Variants in COL28A1 observed in about 807,000 individuals in gnomAD.
COL28A1 encodes collagen alpha-1(XXVIII) chain.
A neutral mutation model predicts 150.2 loss-of-function variants in COL28A1; 161 were observed. That is an observed-to-expected ratio of 1.07 (90% confidence interval 0.94 to 1.22). COL28A1 has a LOEUF of 1.22. COL28A1 is among the 50% of genes most tolerant of loss of function. The pLI is 0.00. For missense variants in COL28A1, 1,617 were observed against 1,388.3 expected, an observed-to-expected ratio of 1.16 and a Z score of -2.62; for synonymous variants, 552 against 469.7, an observed-to-expected ratio of 1.18 and a Z score of -2.26.
At chr7:7,414,331 T>G (rs1783948768) in intron 27 of COL28A1, among the ~76,000 whole-genome samples, 1 of 152,216 alleles carries the variant, frequency 6.6e-6, no homozygotes, top group African/African-American at 2.4e-5. Flanking sequence ...GCCTGTGACA[T>G]GAACCTGAAA....
At chr7:7,486,550 A>G (rs1371191546) in intron 13 of COL28A1, among the ~76,000 whole-genome samples, 1 of 152,198 alleles carries the variant, frequency 6.6e-6, no homozygotes, top group Non-Finnish European at 1.5e-5. Flanking sequence ...TTTCACTATT[A>G]CGCATAATGT....
chr7:7,501,441 T>C (rs1467841913), intron 11 of COL28A1, among the ~76,000 whole-genome samples: 2 of 152,172 alleles, frequency 1.3e-5, no homozygotes, highest in African/African-American at 4.8e-5. Context: ...CACACGCCAC[T>C]GTGCAGTCCC....
intron 3 of COL28A1, among the ~76,000 whole-genome samples, chr7:7,528,677 C>G (rs1453953506): frequency 1.3e-5 from 2 of 152,150 alleles, no homozygotes; most frequent in African/African-American, 4.8e-5. Flanking sequence ...GTATAAAATT[C>G]TAGAAAGTAT....
intron 8 of COL28A1, among the ~76,000 whole-genome samples, chr7:7,511,368 A>C (rs536964467): frequency 1.3e-5 from 2 of 152,332 alleles, no homozygotes; most frequent in Admixed American, 1.3e-4. Context: ...CAATGTAATA[A>C]GGTTTGACAT....
chr7:7,397,477 A>G (rs1176938251), intron 27 of COL28A1, among the ~76,000 whole-genome samples: 1 of 152,190 alleles, frequency 6.6e-6, no homozygotes, highest in African/African-American at 2.4e-5. Flanking sequence ...TTAGCTTACC[A>G]CGGTGGCTTT....
the COL28A1 span, among the ~76,000 whole-genome samples, chr7:7,348,643 CTCTT>C: frequency 2.0e-5 from 3 of 151,666 alleles, no homozygotes; most frequent in Non-Finnish European, 4.4e-5. Flanking sequence ...TTAGTTTCTG[CTCTT>C]TTTTTTTTAT....
intron 25 of COL28A1, among the ~76,000 whole-genome samples, chr7:7,430,410 A>G (rs1466546720): frequency 6.6e-6 from 1 of 152,186 alleles, no homozygotes; most frequent in Non-Finnish European, 1.5e-5. Context: ...TACAGGCATG[A>G]GCCACCACAC....
chr7:7,526,938 A>G (rs1465278423), intron 3 of COL28A1, among the ~76,000 whole-genome samples: 1 of 152,184 alleles, frequency 6.6e-6, no homozygotes, highest in African/African-American at 2.4e-5. Flanking sequence ...CCTAGCCACA[A>G]TAAGCAATAT....
intron 3 of COL28A1, 131 bp from the exon 4 acceptor site, chr7:7,524,380 T>C (rs1781906741): frequency 3.0e-6 from 2 of 657,902 alleles, no homozygotes; most frequent in Non-Finnish European, 5.3e-6. Context: ...TTTAAACTTG[T>C]AAAAGCAATA....
intron 6 of COL28A1, among the ~76,000 whole-genome samples, chr7:7,519,784 T>C (rs1348248052): frequency 1.3e-5 from 2 of 152,182 alleles, no homozygotes; most frequent in African/African-American, 4.8e-5. Flanking sequence ...TAAATAAGAT[T>C]GGCTGCTATC....
upstream of COL28A1, among the ~76,000 whole-genome samples, chr7:7,536,423 T>C (rs535036066): frequency 2.6e-5 from 4 of 152,164 alleles, no homozygotes; most frequent in Non-Finnish European, 5.9e-5. Flanking sequence ...ACTTATGAAA[T>C]GAGAGAGTAG....
At chr7:7,449,398 A>C (rs1786509526) in intron 18 of COL28A1, among the ~76,000 whole-genome samples, 1 of 152,124 alleles carries the variant, frequency 6.6e-6, no homozygotes, top group South Asian at 2.1e-4. Flanking sequence ...AAAAGAAGGA[A>C]GCTTCCTTAA....
intron 25 of COL28A1, among the ~76,000 whole-genome samples, chr7:7,427,984 T>C (rs996515799): frequency 6.6e-6 from 1 of 152,218 alleles, no homozygotes; most frequent in South Asian, 2.1e-4. Flanking sequence ...CCCTCTCATA[T>C]ACAAAACAAA....
At chr7:7,540,197 T>C (rs1292809623), upstream of COL28A1, among the ~76,000 whole-genome samples, 2 of 152,214 alleles carry the variant, frequency 1.3e-5, no homozygotes, top group Non-Finnish European at 1.5e-5. Flanking sequence ...CTTTGGTCAA[T>C]GGATAGAGCA....
intron 15 of COL28A1, among the ~76,000 whole-genome samples, chr7:7,468,122 G>A (rs201536761): frequency 0.17 from 1,393 of 8,284 alleles, 157 homozygotes; most frequent in Middle Eastern, 0.35. Flanking sequence ...CAGAACTGAA[G>A]GAAATAGAGA....
At chr7:7,343,485 C>T in the COL28A1 span, among the ~76,000 whole-genome samples, 1,030 of 152,068 alleles carry the variant, frequency 6.8e-3, 10 homozygotes, top group African/African-American at 0.023. Context: ...ACATAATCGG[C>T]TGTTAATTTA....
intron 27 of COL28A1, among the ~76,000 whole-genome samples, chr7:7,397,910 C>T (rs1051866768): frequency 3.3e-5 from 5 of 152,102 alleles, no homozygotes; most frequent in East Asian, 1.9e-4. Context: ...CTTCACCTGA[C>T]GTAACTAAAA....
chr7:7,357,138 T>A (rs1422061382), downstream of COL28A1: 1 of 152,054 alleles, frequency 6.6e-6, no homozygotes, highest in East Asian at 2.0e-4. Flanking sequence ...CAACCTCTGC[T>A]TCCCAGGGTC....
intron 3 of COL28A1, among the ~76,000 whole-genome samples, chr7:7,526,751 T>C (rs1211957012): frequency 2.0e-5 from 3 of 152,094 alleles, no homozygotes; most frequent in African/African-American, 7.2e-5. Flanking sequence ...TTCTCCTGCC[T>C]CAGCCTCTGA....
Sources: gnomAD v4.1 joint callset for allele counts (sites outside exome capture counted in the v4.1 genomes callset) on GRCh38, gnomAD v4.1.1 for gene constraint, MANE v1.5 for transcripts, NCBI Gene and HGNC (gene_info 2026-07-23, HGNC 2026-07-21) for gene names.